The following TK2 variants were observed in gnomAD, a reference collection of about 807,000 sequenced individuals.
The protein encoded by TK2 is thymidine kinase 2, mitochondrial.
Under a neutral mutation model 41.9 loss-of-function variants are expected in TK2, and 35 were observed. The observed-to-expected ratio is 0.84, with a 90% CI of 0.64 to 1.11. The LOEUF is 1.11. TK2 is among the 50% of genes least tolerant of loss of function. TK2 has a pLI of 0.00. For synonymous variants in TK2, 128 were observed against 129.1 expected, an observed-to-expected ratio of 0.99 and a Z score of 0.06; for missense variants, 320 against 351.1, an observed-to-expected ratio of 0.91 and a Z score of 0.71.
chr16:66,544,679 G>A (rs1425923390), intron 2 of TK2, among the ~76,000 whole-genome samples: 5 of 152,232 alleles, frequency 3.3e-5, no homozygotes, highest in East Asian at 3.8e-4. Flanking sequence ...ATGAGCCCTT[G>A]AGTCCAATTT....
intron 3 of TK2, among the ~76,000 whole-genome samples, chr16:66,540,173 C>CTTTTTTTTTTTTT (rs200305417): frequency 7.6e-5 from 10 of 130,780 alleles, no homozygotes; most frequent in East Asian, 2.2e-4. Flanking sequence ...TTTCTTTTTT[C>CTTTTTTTTTTTTT]TTTTTTTTTT....
intron 6 of TK2, among the ~76,000 whole-genome samples, chr16:66,524,581 T>G (rs954271673): frequency 1.3e-5 from 2 of 152,144 alleles, no homozygotes; most frequent in African/African-American, 4.8e-5. Context: ...CAAGTGATCC[T>G]TCCCCTTCTG....
chr16:66,521,275 G>C (rs939306351), intron 6 of TK2, among the ~76,000 whole-genome samples: 2 of 152,202 alleles, frequency 1.3e-5, no homozygotes, highest in Admixed American at 6.5e-5. Context: ...ACACCTGTGG[G>C]GGACTCTGGG....
chr16:66,549,865 TCCGGAAG>T, intron 1 of TK2, 66 bp downstream of exon 1: 2 of 1,288,184 alleles, frequency 1.6e-6, no homozygotes, highest in Non-Finnish European at 2.0e-6. Context: ...TCGGGCGGGT[TCCGGAAG>T]CCGAGGGGCC....
intron 4 of TK2, among the ~76,000 whole-genome samples, chr16:66,533,551 AAAATAAAT>A (rs368182144): frequency 1.3e-5 from 2 of 151,878 alleles, no homozygotes; most frequent in African/African-American, 2.4e-5. Context: ...CCCTATCTCC[AAAATAAAT>A]AAATAAATAA....
chr16:66,530,804 G>A (rs528575070), intron 5 of TK2, among the ~76,000 whole-genome samples: 73 of 150,988 alleles, frequency 4.8e-4, no homozygotes, highest in Non-Finnish European at 6.6e-4. Context: ...TGCAACCTCC[G>A]CCTCCTGGGT....
chr16:66,513,651 T>C (rs1964516254), intron 9 of TK2, 80 bp downstream of exon 9: 3 of 1,324,628 alleles, frequency 2.3e-6, no homozygotes, highest in Non-Finnish European at 1.1e-6. Flanking sequence ...TGCCCTCCCC[T>C]GTCTGCAAGG....
chr16:66,527,597 G>T (rs867118885), intron 6 of TK2, among the ~76,000 whole-genome samples: 3 of 152,236 alleles, frequency 2.0e-5, no homozygotes, highest in Middle Eastern at 3.4e-3. Context: ...GGTCCGGGGG[G>T]GTGGGTGGCA....
At chr16:66,515,579 T>A (rs1212897732) in intron 8 of TK2, among the ~76,000 whole-genome samples, 1 of 152,166 alleles carries the variant, frequency 6.6e-6, no homozygotes, top group East Asian at 1.9e-4. Flanking sequence ...CCTTTACATC[T>A]CCTGCCCAGC....
intron 2 of TK2, among the ~76,000 whole-genome samples, chr16:66,545,212 A>G (rs1965571135): frequency 6.6e-6 from 1 of 152,216 alleles, no homozygotes; most frequent in Non-Finnish European, 1.5e-5. Context: ...CTCTGATCAA[A>G]CCTTATTACA....
intron 9 of TK2, 104 bp downstream of exon 9, chr16:66,513,627 A>T (rs1964515531): frequency 9.7e-7 from 1 of 1,034,340 alleles, no homozygotes; most frequent in Non-Finnish European, 1.5e-6. Context: ...AAGTTGTCAA[A>T]CTCTAAAGGA....
In TK2 at chr16:66,509,557, G is replaced by A. The variant is rs1432789315; in HGVS notation, c.*2411C>T. 6.6e-6 allele frequency: 1 copy of A among 152,254 alleles called. No individual in the cohort carries two copies. The highest frequency in any genetic ancestry group is 6.5e-5 in the Admixed American group (1 of 15,294). The allele number at this position is 152,254 out of a possible 1,614,324, so 9.4% of individuals were successfully genotyped here. ...ATATGTGCAACAAAAAAGTCAGCGA[G>A]AGGTAGAGCAGCTGAGCAGCTCTGC... On this transcript the variant is annotated 3_prime_UTR_variant, in exon 10 of 10. Transcript: ENST00000544898.
rs751333689 is a variant in TK2, at chr16:66,549,984, G to A, written c.78C>T (p.Ala26=). 11 of 1,511,540 alleles carry A rather than the reference G, an allele frequency of 7.3e-6. No homozygotes were observed. In the Admixed American group the frequency reaches 2.2e-4, roughly 30 times the overall value. The allele number at this position is 1,511,540 out of a possible 1,614,324, so 93.6% of individuals were successfully genotyped here. A position where few individuals can be genotyped will look rare whatever the true frequency, so the allele number is the denominator to read the frequency against. The change falls in exon 1 of 10, where the codon GCC becomes GCT. Residue 26 remains alanine (A), a synonymous_variant. Transcript: ENST00000544898. ...CFGPGSRGSP[A]SGPGPRRVQR... is the part of the protein sequence containing the mutation. ...GCACCCTCCGCGGCCCGGGGCCTGA[G>A]GCCGGGCTCCCGCGACTTCCCGGCC...
At position 66,549,125 on chromosome 16, in the gene TK2, C is replaced by T. The variant is rs3743713; in HGVS notation, c.125-116G>A. 76,448 of 1,557,034 alleles carry T rather than the reference C, an allele frequency of 0.049. 4,317 individuals are homozygous for T. The highest frequency in any genetic ancestry group is 0.17 in the Admixed American group (8,741 of 50,714). On this transcript the variant is annotated intron_variant, in intron 1 of 9. Coordinates refer to ENST00000544898, the MANE Select transcript of TK2 (RefSeq NM_004614.5). ...TTATGCTCACTCCCTGGCCTAAAAA[C>T]ATTTTCCATTTTGGGCGCCCTCCGA...
At chr16:66,544,982 G>A (rs928568527) in intron 2 of TK2, among the ~76,000 whole-genome samples, 36 of 151,842 alleles carry the variant, frequency 2.4e-4, no homozygotes, top group African/African-American at 8.2e-4. Context: ...AGCTACTGGG[G>A]AGGCTGATGC....
chr16:66,537,009 C>T lies in TK2; in HGVS notation c.240G>A (p.Thr80=), dbSNP rs767169513. The T allele has an allele frequency of 4.3e-6, 7 of 1,614,028 alleles. No individual in the cohort carries two copies. The highest frequency in any genetic ancestry group is 1.7e-5 in the Admixed American group (1 of 60,000). The change falls in exon 4 of 10, where the codon ACG becomes ACA. Residue 80 remains threonine (T), a synonymous_variant. Transcript: ENST00000544898. ...CATTTCTCCACTTGGACACAGGCTC[C>T]GTTAACACCTGGAAGGAAAGAAAAC... The part of the protein sequence containing the change: ...FSNATDVEVL[T]EPVSKWRNVR...
At position 66,529,514 on chromosome 16, in the gene TK2, G is replaced by A. The variant is rs144395318; in HGVS notation, c.376-447C>T. Among the ~76,000 whole-genome samples, 656 of 152,370 alleles carry A rather than the reference G, an allele frequency of 4.3e-3. 3 individuals carry two copies. The highest frequency in any genetic ancestry group is 0.017 in the Middle Eastern group (5 of 294). The stretch of plus-strand genomic sequence containing the variant: ...ATGCATGAGGTACAGCCCCAAGAGG[G>A]TCGGGTTGGGGGTGACGTTCTGGGG... On this transcript the variant is annotated intron_variant, in intron 5 of 9. Transcript: ENST00000544898.
intron 3 of TK2, among the ~76,000 whole-genome samples, chr16:66,537,759 G>C (rs1031954776): frequency 1.3e-5 from 2 of 152,202 alleles, no homozygotes; most frequent in African/African-American, 4.8e-5. Context: ...TGTTCTTGGG[G>C]CCAAGATCTT....
intron 3 of TK2, 108 bp from the exon 4 acceptor site, chr16:66,537,125 G>C: frequency 6.6e-7 from 1 of 1,511,162 alleles, no homozygotes; most frequent in Non-Finnish European, 9.1e-7. Flanking sequence ...GAGAGAAAAA[G>C]ACTATCCAAA....
Sources: allele counts gnomAD v4.1 joint callset (sites outside exome capture counted in the v4.1 genomes callset), GRCh38; gene constraint gnomAD v4.1.1; transcripts MANE v1.5; gene names NCBI Gene and HGNC (gene_info 2026-07-23, HGNC 2026-07-21).